PLCB4: variants seen among roughly 807,000 people sequenced by gnomAD.
PLCB4 encodes the protein phospholipase C beta 4.
Under a neutral mutation model 178.8 loss-of-function variants are expected in PLCB4, and 77 were observed. The ratio of observed to expected loss-of-function variants is 0.43; its 90% confidence interval spans 0.36 to 0.52. PLCB4 has a LOEUF of 0.52. Among genes scored for constraint, PLCB4 ranks in the 20% least tolerant of loss-of-function variants. The pLI, the probability that PLCB4 is intolerant of heterozygous loss-of-function variation, is 0.00. For synonymous variants in PLCB4, 496 were observed against 490.8 expected (o/e 1.01, Z -0.14); for missense variants, 1,024 against 1,453.4 (o/e 0.70, Z 4.80).
chr20:9,170,072 A>C (rs1003694698), intron 2 of PLCB4, among the ~76,000 whole-genome samples: 2 of 152,202 alleles, frequency 1.3e-5, no homozygotes, highest in South Asian at 4.1e-4. Context: ...CACCCAGATA[A>C]ATCAGTCCTG....
chr20:9,256,534 T>C (rs1475605943), intron 3 of PLCB4, among the ~76,000 whole-genome samples: 1 of 152,232 alleles, frequency 6.6e-6, no homozygotes, highest in Non-Finnish European at 1.5e-5. Flanking sequence ...CAAGTATTTT[T>C]AGTTGGATTC....
chr20:9,356,752 G>T (rs982139213), intron 7 of PLCB4, among the ~76,000 whole-genome samples: 1 of 152,136 alleles, frequency 6.6e-6, no homozygotes, highest in Non-Finnish European at 1.5e-5. Flanking sequence ...AAAACTGATG[G>T]ATAGAGCAAT....
At chr20:9,309,368 A>G (rs942448096) in intron 4 of PLCB4, among the ~76,000 whole-genome samples, 7 of 152,190 alleles carry the variant, frequency 4.6e-5, no homozygotes, top group African/African-American at 1.7e-4. Flanking sequence ...CAGATGAGAA[A>G]TGTCCACTTC....
At chr20:9,248,221 A>T (rs1601423797) in intron 3 of PLCB4, among the ~76,000 whole-genome samples, 1 of 152,276 alleles carries the variant, frequency 6.6e-6, no homozygotes, top group East Asian at 1.9e-4. Context: ...AAGTATGTGT[A>T]TGTGTGTTTA....
chr20:9,386,008 C>G (rs2037612726), intron 14 of PLCB4, among the ~76,000 whole-genome samples: 2 of 152,216 alleles, frequency 1.3e-5, no homozygotes, highest in Non-Finnish European at 2.9e-5. Flanking sequence ...ATCCCAGCAC[C>G]CCGGGAGGCC....
intron 2 of PLCB4, among the ~76,000 whole-genome samples, chr20:9,110,478 A>G (rs926512704): frequency 2.0e-5 from 3 of 152,196 alleles, no homozygotes; most frequent in Non-Finnish European, 2.9e-5. Context: ...CACATTTTAC[A>G]TTTCTCCCAA....
At chr20:9,251,733 A>G (rs2094183004) in intron 3 of PLCB4, among the ~76,000 whole-genome samples, 2 of 140,366 alleles carry the variant, frequency 1.4e-5, no homozygotes, top group South Asian at 4.7e-4. Flanking sequence ...ATGACTGGCA[A>G]TAATAAAGAC....
At chr20:9,110,624 A>G (rs539452276) in intron 2 of PLCB4, among the ~76,000 whole-genome samples, 1 of 152,180 alleles carries the variant, frequency 6.6e-6, no homozygotes, top group East Asian at 1.9e-4. Flanking sequence ...TGAGAACAGT[A>G]TTTAAGCTGA....
At chr20:9,191,592 A>C (rs907463595) in intron 2 of PLCB4, among the ~76,000 whole-genome samples, 1 of 152,098 alleles carries the variant, frequency 6.6e-6, no homozygotes, top group African/African-American at 2.4e-5. Context: ...TTGGATTTTA[A>C]GTGAGTTCTA....
intron 2 of PLCB4, among the ~76,000 whole-genome samples, chr20:9,209,572 C>T (rs2093650407): frequency 1.3e-5 from 2 of 152,156 alleles, no homozygotes; most frequent in South Asian, 2.1e-4. Context: ...GGGAGATTCT[C>T]CATGACTGGC....
At chr20:9,446,178 T>A (rs1337608577) in intron 32 of PLCB4, among the ~76,000 whole-genome samples, 1 of 152,204 alleles carries the variant, frequency 6.6e-6, no homozygotes, top group African/African-American at 2.4e-5. Context: ...CATTTATATG[T>A]GAGGGAATTA....
At chr20:9,076,192 C>A (rs908631560) in intron 1 of PLCB4, among the ~76,000 whole-genome samples, 10 of 152,080 alleles carry the variant, frequency 6.6e-5, no homozygotes, top group Non-Finnish European at 1.2e-4. Context: ...CCTGGCCGGG[C>A]GCGATGGCTC....
chr20:9,071,303 C>A (rs1379849640), intron 1 of PLCB4, among the ~76,000 whole-genome samples: 1 of 152,144 alleles, frequency 6.6e-6, no homozygotes, highest in Non-Finnish European at 1.5e-5. Context: ...CTGACTTTGG[C>A]AACATGGGAC....
rs1182945499 is a variant in PLCB4 at position 9,337,223 on chromosome 20, G to C, written c.165+17G>C. 1 of 1,578,560 alleles carries C rather than the reference G, an allele frequency of 6.3e-7. No individual in the cohort carries two copies. The highest frequency in any genetic ancestry group is 2.2e-5 in the East Asian group (1 of 44,672). ...GAAGGCAAGGTATGGCCCAAGAAGA[G>C]CAAGTTGTTCTTTCTGCTTTGTGGT... On this transcript the variant is annotated intron_variant, in intron 5 of 39. Coordinates refer to ENST00000378473, the MANE Select transcript of PLCB4 (RefSeq NM_001377142.1).
chr20:9,347,358 T>C (rs1419754167), intron 7 of PLCB4, among the ~76,000 whole-genome samples: 1 of 152,230 alleles, frequency 6.6e-6, no homozygotes, highest in Admixed American at 6.5e-5. Flanking sequence ...TGGCAACTCA[T>C]TTTTTAAACA....
intron 2 of PLCB4, among the ~76,000 whole-genome samples, chr20:9,103,526 T>C (rs987848069): frequency 6.6e-6 from 1 of 152,150 alleles, no homozygotes; most frequent in Non-Finnish European, 1.5e-5. Flanking sequence ...TATTGAGATA[T>C]TGAACATGAT....
At chr20:9,357,981 C>A (rs990265240) in intron 7 of PLCB4, among the ~76,000 whole-genome samples, 2 of 152,188 alleles carry the variant, frequency 1.3e-5, no homozygotes, top group African/African-American at 4.8e-5. Context: ...TGCTAAAATG[C>A]AGATTCTGAT....
At chr20:9,294,855 C>T (rs1326963285) in intron 3 of PLCB4, among the ~76,000 whole-genome samples, 1 of 152,074 alleles carries the variant, frequency 6.6e-6, no homozygotes, top group African/African-American at 2.4e-5. Context: ...CTTTAAGAAC[C>T]AATAATCTAA....
chr20:9,071,027 T>A (rs1173399171), intron 1 of PLCB4, among the ~76,000 whole-genome samples: 8 of 152,182 alleles, frequency 5.3e-5, no homozygotes, highest in Non-Finnish European at 1.2e-4. Context: ...AAGTTTTATA[T>A]TTATATGCCT....
Sources: allele counts gnomAD v4.1 joint callset (sites outside exome capture counted in the v4.1 genomes callset), GRCh38; gene constraint gnomAD v4.1.1; transcripts MANE v1.5; gene names NCBI Gene and HGNC (gene_info 2026-07-23, HGNC 2026-07-21).